Variants in KIT observed in about 807,000 individuals in gnomAD.
The protein encoded by KIT is mast/stem cell growth factor receptor Kit.
A neutral mutation model predicts 105.7 loss-of-function variants in KIT; 16 were observed. The ratio of observed to expected loss-of-function variants is 0.15; its 90% CI spans 0.10 to 0.23. The LOEUF (loss-of-function observed/expected upper bound fraction) is 0.23, where lower values mean the gene tolerates loss of function less well. Ranked by LOEUF, KIT falls within the 10% of genes least tolerant of loss-of-function variation. KIT has a pLI of 1.00. For synonymous variants in KIT, 438 were observed against 441.1 expected, an observed-to-expected ratio of 0.99 and a Z score of 0.09; for missense variants, 858 against 1,213.8, an observed-to-expected ratio of 0.71 and a Z score of 4.36.
At chr4:54,727,186 G>GT (rs757663062) in intron 9 of KIT, 32 bp from the exon 10 acceptor site, 7 of 1,596,966 alleles carry the variant, frequency 4.4e-6, no homozygotes, top group Non-Finnish European at 6.0e-6. Flanking sequence ...TCCTGCCAAA[G>GT]TTTGTGATTC....
intron 16 of KIT, among the ~76,000 whole-genome samples, chr4:54,732,297 A>G (rs1229591335): frequency 6.6e-6 from 1 of 152,104 alleles, no homozygotes; most frequent in Non-Finnish European, 1.5e-5. Flanking sequence ...TTTAGGATAT[A>G]GGATATGTTC....
At chr4:54,726,156 A>G (rs1318772748) in intron 9 of KIT, 106 bp downstream of exon 9, 2 of 868,424 alleles carry the variant, frequency 2.3e-6, no homozygotes, top group Non-Finnish European at 3.8e-6. Flanking sequence ...TTCTGGTAAT[A>G]CATGCATCAC....
intron 1 of KIT, among the ~76,000 whole-genome samples, chr4:54,671,854 A>G (rs1308212013): frequency 2.0e-5 from 3 of 152,190 alleles, no homozygotes; most frequent in African/African-American, 4.8e-5. Flanking sequence ...ACACTTACCA[A>G]TACGGCCTCT....
At chr4:54,709,028 G>A (rs1458617897) in intron 6 of KIT, among the ~76,000 whole-genome samples, 2 of 152,094 alleles carry the variant, frequency 1.3e-5, no homozygotes, top group Non-Finnish European at 2.9e-5. Flanking sequence ...CAGTGAGCAT[G>A]TGCATGCAGG....
chr4:54,718,658 G>A (rs1253770310), intron 7 of KIT, among the ~76,000 whole-genome samples: 1 of 152,150 alleles, frequency 6.6e-6, no homozygotes. Flanking sequence ...TATAGTAAAA[G>A]TTTGCTGAGC....
intron 1 of KIT, among the ~76,000 whole-genome samples, chr4:54,661,403 C>G (rs549476539): frequency 6.6e-6 from 1 of 152,194 alleles, no homozygotes; most frequent in East Asian, 1.9e-4. Flanking sequence ...TCGAAGTTAC[C>G]CTTAGGGTTT....
chr4:54,717,936 G>A (rs778850034), intron 7 of KIT, among the ~76,000 whole-genome samples: 2 of 152,150 alleles, frequency 1.3e-5, no homozygotes, highest in Non-Finnish European at 2.9e-5. Flanking sequence ...TGGTGCTCCT[G>A]TAAGTTGAGC....
At chr4:54,683,809 T>C (rs528142788) in intron 1 of KIT, among the ~76,000 whole-genome samples, 1 of 152,208 alleles carries the variant, frequency 6.6e-6, no homozygotes, top group African/African-American at 2.4e-5. Context: ...TGCCACCAGG[T>C]GGCACGCTTG....
intron 1 of KIT, among the ~76,000 whole-genome samples, chr4:54,686,803 C>T (rs1249702517): frequency 2.6e-5 from 4 of 152,170 alleles, no homozygotes; most frequent in African/African-American, 9.7e-5. Context: ...CCTCGGCCTC[C>T]CAAAGTGCTA....
intron 4 of KIT, among the ~76,000 whole-genome samples, chr4:54,700,796 G>A (rs1446669163): frequency 2.0e-5 from 3 of 152,206 alleles, no homozygotes; most frequent in Admixed American, 6.5e-5. Context: ...TGATATTCAT[G>A]TAGACCTGTG....
At chr4:54,718,955 T>C (rs1721675573) in intron 7 of KIT, among the ~76,000 whole-genome samples, 1 of 152,198 alleles carries the variant, frequency 6.6e-6, no homozygotes, top group African/African-American at 2.4e-5. Flanking sequence ...AATTTCTTTA[T>C]TATAATGGTA....
At chr4:54,673,049 G>A (rs1000158120) in intron 1 of KIT, among the ~76,000 whole-genome samples, 1 of 152,104 alleles carries the variant, frequency 6.6e-6, no homozygotes, top group Admixed American at 6.6e-5. Flanking sequence ...AACTTGGTAT[G>A]TTTGCCTAGA....
intron 1 of KIT, among the ~76,000 whole-genome samples, chr4:54,691,072 T>C (rs950292722): frequency 1.3e-5 from 2 of 152,162 alleles, no homozygotes; most frequent in Non-Finnish European, 2.9e-5. Context: ...GATGCATGGC[T>C]GTTTGACTTG....
chr4:54,721,064 A>G (rs1046072582), intron 7 of KIT, among the ~76,000 whole-genome samples: 2 of 152,214 alleles, frequency 1.3e-5, no homozygotes, highest in African/African-American at 4.8e-5. Flanking sequence ...ATCATACAAC[A>G]GTGCTTACTG....
Position 54,738,692 on chromosome 4 carries a change from C to A in KIT, c.*135C>A. 1.8e-6 allele frequency: 2 copies of A among 1,126,978 alleles called. No individual in the cohort carries two copies. The highest frequency in any genetic ancestry group is 2.7e-6 in the Non-Finnish European group (2 of 751,672). The allele number at this position is 1,126,978 out of a possible 1,614,324, so 69.8% of individuals were successfully genotyped here. A position where few individuals can be genotyped will look rare whatever the true frequency, so the allele number is the denominator to read the frequency against. On this transcript the variant is annotated 3_prime_UTR_variant, in exon 21 of 21. Coordinates refer to ENST00000288135, the MANE Select transcript of KIT (RefSeq NM_000222.3). ...CCCACTGCAATCCTGTCTTTCTGAG[C>A]ACACTTTAGTGGCCGATGATTTTTG... is the stretch of plus-strand genomic sequence containing the variant.
chr4:54,699,533 G>T, intron 3 of KIT, 97 bp from the exon 4 acceptor site: 1 of 1,361,192 alleles, frequency 7.3e-7, no homozygotes, highest in Non-Finnish European at 1.0e-6. Context: ...TTTAAAAGAT[G>T]ACAAAGTAAG....
In KIT at chr4:54,738,651, C is replaced by G. The variant is rs2109820421; in HGVS notation, c.*94C>G. The G allele has an allele frequency of 3.4e-6, 5 of 1,484,656 alleles. No individual in the cohort carries two copies. The South Asian group carries it at 5.6e-5, about 17-fold the overall frequency. 92.0% of individuals were successfully genotyped at this position (1,484,656 alleles called of 1,614,324 possible). ...CTTTTCTTTCAACTTGCATCCAACTCCAGGATAGTGGGCACCCCACTGCAA... is the reference window on the plus strand; with the variant it reads ...CTTTTCTTTCAACTTGCATCCAACTGCAGGATAGTGGGCACCCCACTGCAA... On this transcript the variant is annotated 3_prime_UTR_variant, in exon 21 of 21. Transcript: ENST00000288135.
chr4:54,685,182 C>T (rs536538801), intron 1 of KIT, among the ~76,000 whole-genome samples: 8 of 152,248 alleles, frequency 5.3e-5, no homozygotes, highest in South Asian at 2.1e-4. Flanking sequence ...TCTTTGTAGT[C>T]TCCACTCCCT....
At chr4:54,675,874 G>A (rs1003193387) in intron 1 of KIT, among the ~76,000 whole-genome samples, 10 of 152,270 alleles carry the variant, frequency 6.6e-5, no homozygotes, top group African/African-American at 1.9e-4. Flanking sequence ...CTGATGTGCT[G>A]CAGAAGTTGT....
Sources: allele counts gnomAD v4.1 joint callset (sites outside exome capture counted in the v4.1 genomes callset), GRCh38; gene constraint gnomAD v4.1.1; transcripts MANE v1.5; gene names NCBI Gene and HGNC (gene_info 2026-07-23, HGNC 2026-07-21).